The following PATJ variants were observed in gnomAD, a reference collection of about 807,000 sequenced individuals.
PATJ encodes inaD-like protein.
In PATJ, 190 loss-of-function variants were observed where a neutral mutation model predicts 224.9. The observed-to-expected ratio is 0.84, with a 90% confidence interval of 0.75 to 0.95. PATJ has a LOEUF of 0.95. PATJ is among the 40% of genes least tolerant of loss of function. PATJ has a pLI of 0.00. For synonymous variants in PATJ, 769 were observed against 820.3 expected, an observed-to-expected ratio of 0.94 and a Z score of 1.07; for missense variants, 2,121 against 2,270.3, an observed-to-expected ratio of 0.93 and a Z score of 1.34.
At chr1:61,841,582 GTTT>G (rs935065486) in intron 17 of PATJ, among the ~76,000 whole-genome samples, 1 of 126,822 alleles carries the variant, frequency 7.9e-6, no homozygotes, top group Non-Finnish European at 1.6e-5. Flanking sequence ...TGACATCTAG[GTTT>G]TTTTTTTCTC....
intron 28 of PATJ, among the ~76,000 whole-genome samples, chr1:62,000,632 A>T (rs959345014): frequency 2.5e-4 from 38 of 150,888 alleles, no homozygotes; most frequent in Non-Finnish European, 2.4e-4. Context: ...AGTCTTTGCT[A>T]TTGTGAATAG....
rs182653033 is a variant in PATJ at position 61,847,772 on chromosome 1, G to T, written c.2113-8258G>T. ...AAATCAGAAGACAGTCTTTTGAAAT[G>T]ATTAATTATACCCTATTGTTTTAAA... On this transcript the variant is annotated intron_variant, in intron 17 of 43. Transcript: ENST00000642238. Among the ~76,000 whole-genome samples, 45 of 152,284 alleles carry T rather than the reference G, an allele frequency of 3.0e-4. No individual in the cohort carries two copies. In the East Asian group the frequency reaches 7.5e-3, roughly 25 times the overall value.
chr1:61,797,415 A>ACC lies in PATJ; in HGVS notation c.1390_1391dup (p.Ser465LeufsTer8). ...CCTCATCTACTTCTCCACTTGAACC[A>ACC]CCTTCAGACAGAGGTGATTAATTTG... On this transcript the variant is annotated frameshift_variant, in exon 11 of 44. Coordinates refer to ENST00000642238, the MANE Select transcript of PATJ (RefSeq NM_001350145.3). LOFTEE classifies it high-confidence loss of function. The ACC allele has an allele frequency of 1.2e-6, 2 of 1,613,040 alleles. No homozygotes were observed. The highest frequency in any genetic ancestry group is 2.2e-5 in the South Asian group (2 of 91,018).
At chr1:61,968,657 C>T (rs1251559681) in intron 27 of PATJ, among the ~76,000 whole-genome samples, 1 of 151,812 alleles carries the variant, frequency 6.6e-6, no homozygotes, top group Non-Finnish European at 1.5e-5. Context: ...TGTGCTGCAC[C>T]CGTTAACTTG....
At chr1:61,959,444 T>A (rs911397650) in intron 27 of PATJ, among the ~76,000 whole-genome samples, 1 of 136,478 alleles carries the variant, frequency 7.3e-6, no homozygotes, top group Non-Finnish European at 1.6e-5. Flanking sequence ...CTTTTCTTTT[T>A]TTTTTTTTTG....
chr1:62,009,326 GT>G (rs915208231), intron 28 of PATJ, among the ~76,000 whole-genome samples: 1 of 152,058 alleles, frequency 6.6e-6, no homozygotes, highest in South Asian at 2.1e-4. Context: ...AGTCATGTGT[GT>G]TTTTTTGTTT....
chr1:62,145,198 G>C (rs1392897696), intron 41 of PATJ, among the ~76,000 whole-genome samples: 1 of 152,214 alleles, frequency 6.6e-6, no homozygotes, highest in Non-Finnish European at 1.5e-5. Flanking sequence ...TCATTCACCA[G>C]TTATTTACTG....
At chr1:61,981,126 G>A (rs1644427444) in intron 27 of PATJ, among the ~76,000 whole-genome samples, 1 of 151,992 alleles carries the variant, frequency 6.6e-6, no homozygotes, top group Admixed American at 6.5e-5. Context: ...CAGAGATAGT[G>A]TCCATGTTAG....
intron 17 of PATJ, among the ~76,000 whole-genome samples, chr1:61,834,086 A>G (rs1271407783): frequency 6.6e-6 from 1 of 152,164 alleles, no homozygotes; most frequent in Non-Finnish European, 1.5e-5. Context: ...CTTTATTCAG[A>G]TATCTTTCAC....
intron 11 of PATJ, among the ~76,000 whole-genome samples, chr1:61,801,084 G>T (rs1652395264): frequency 6.6e-6 from 1 of 152,042 alleles, no homozygotes; most frequent in Admixed American, 6.6e-5. Flanking sequence ...TGATCCTTTG[G>T]GTATATACCC....
chr1:61,867,950 T>G (rs4142566), intron 20 of PATJ, among the ~76,000 whole-genome samples: 145,588 of 152,274 alleles, frequency 0.96, 69,748 homozygotes, highest in East Asian at 1. Context: ...CCCTCCCAAA[T>G]GGTGAAGGAA....
intron 22 of PATJ, among the ~76,000 whole-genome samples, chr1:61,897,034 A>T (rs1670472300): frequency 6.8e-6 from 1 of 146,918 alleles, no homozygotes; most frequent in African/African-American, 2.5e-5. Flanking sequence ...TTACATCAAT[A>T]CGATGGCCTA....
chr1:62,141,616 A>T (rs1411615495), intron 41 of PATJ, among the ~76,000 whole-genome samples: 1 of 151,888 alleles, frequency 6.6e-6, no homozygotes, highest in Non-Finnish European at 1.5e-5. Flanking sequence ...TGGAGGTTAC[A>T]GTGAGGTAAG....
chr1:61,861,957 G>T (rs994269493), intron 19 of PATJ, among the ~76,000 whole-genome samples: 20 of 152,168 alleles, frequency 1.3e-4, no homozygotes, highest in Admixed American at 3.9e-4. Context: ...TGCCTCCCAG[G>T]TTCAAGTGAT....
chr1:61,955,826 G>A (rs183451279), intron 27 of PATJ, among the ~76,000 whole-genome samples: 13 of 152,214 alleles, frequency 8.5e-5, no homozygotes, highest in Admixed American at 5.2e-4. Flanking sequence ...GTGTCTTCAT[G>A]CATCTTCTCA....
At chr1:61,885,207 A>G (rs1015825498) in intron 22 of PATJ, among the ~76,000 whole-genome samples, 13 of 152,280 alleles carry the variant, frequency 8.5e-5, no homozygotes, top group Non-Finnish European at 1.0e-4. Context: ...GAGCTTCTGC[A>G]CAGCAAAAGA....
Position 62,066,180 on chromosome 1 carries a change from A to G in PATJ, c.4126-13270A>G, listed in dbSNP as rs190992352. ...TAACAGCAGCTAATGCTTTCATGGC[A>G]TTTACTATGCATTCTATAGGCATTA... is the stretch of plus-strand genomic sequence containing the variant. On this transcript the variant is annotated intron_variant, in intron 31 of 43. Coordinates refer to ENST00000642238, the MANE Select transcript of PATJ (RefSeq NM_001350145.3). Among the ~76,000 whole-genome samples, 230 of 152,210 alleles carry G rather than the reference A, an allele frequency of 1.5e-3. 1 individual carries two copies. The highest frequency in any genetic ancestry group is 2.2e-3 in the Non-Finnish European group (147 of 68,016).
At chr1:61,937,835 C>T (rs7514549) in intron 27 of PATJ, among the ~76,000 whole-genome samples, 22,855 of 151,760 alleles carry the variant, frequency 0.15, 2,208 homozygotes, top group Non-Finnish European at 0.21. Context: ...TTTTTAGTAG[C>T]GATAGGGTTT....
chr1:61,782,075 G>A (rs1320878788), intron 7 of PATJ, among the ~76,000 whole-genome samples: 1 of 151,378 alleles, frequency 6.6e-6, no homozygotes, highest in Non-Finnish European at 1.5e-5. Context: ...GAATGCAGGT[G>A]TTCAGGAGAG....
Sources: gnomAD v4.1 joint callset for allele counts (sites outside exome capture counted in the v4.1 genomes callset) on GRCh38, gnomAD v4.1.1 for gene constraint, MANE v1.5 for transcripts, NCBI Gene and HGNC (gene_info 2026-07-23, HGNC 2026-07-21) for gene names.